MLPH: variants seen among roughly 807,000 people sequenced by gnomAD.
The protein encoded by MLPH is exophilin-3.
In MLPH, 51 loss-of-function variants were observed where a neutral mutation model predicts 72.1. The ratio of observed to expected loss-of-function variants is 0.71; its 90% CI spans 0.56 to 0.89. MLPH has a LOEUF of 0.89. Among genes scored for constraint, MLPH ranks in the 40% least tolerant of loss-of-function variants. MLPH has a pLI of 0.00. For synonymous variants in MLPH, 301 were observed against 310.1 expected (o/e 0.97, Z 0.31); for missense variants, 743 against 759.9 (o/e 0.98, Z 0.26).
rs372594908 is a variant in MLPH at position 237,511,027 on chromosome 2, A to G, written c.371A>G (p.His124Arg). ...KIGSLEWYYE[H>R]VKARFKRFGS... ...GGCTCACTGGAGTGGTACTATGAGC[A>G]TGTGAAAGCCCGCTTCAAGAGGTTC... The change falls in exon 4 of 16, where the codon CAT becomes CGT. Residue 124 changes from histidine (H) to arginine (R), a missense_variant. His to Arg is a conservative substitution (Grantham distance 29). Coordinates refer to ENST00000264605, the MANE Select transcript of MLPH (RefSeq NM_024101.7). 4 of 1,613,812 alleles carry G rather than the reference A, an allele frequency of 2.5e-6. No homozygotes were observed. The highest frequency in any genetic ancestry group is 2.7e-5 in the African/African-American group (2 of 74,876).
At position 237,549,825 on chromosome 2, in the gene MLPH, A is replaced by G. The variant is rs114543376; in HGVS notation, c.1675+547A>G. On this transcript the variant is annotated intron_variant, in intron 14 of 15. Transcript: ENST00000264605. ...GTCGAGCTGTTTCAGGCCCCCAGAC[A>G]TTGTTGGACTGATCTCCTGTTGTCC... Among the ~76,000 whole-genome samples, 725 of 152,108 alleles carry G rather than the reference A, an allele frequency of 4.8e-3. 7 individuals carry two copies. The highest frequency in any genetic ancestry group is 0.016 in the African/African-American group (654 of 41,494).
chr2:237,549,287 C>A lies in MLPH; in HGVS notation c.1675+9C>A. The A allele has an allele frequency of 6.2e-7, 1 of 1,613,246 alleles. No individual in the cohort carries two copies. Among genetic ancestry groups the A allele is most frequent in the African/African-American group, 1.3e-5 (1 of 75,028 alleles). The stretch of plus-strand genomic sequence containing the variant: ...TTCCCTGAAAAGTCAAGGTAAGAGC[C>A]CTCTGCTCCCCCACCCCCATGGGCC... On this transcript the variant is annotated intron_variant, in intron 14 of 15. Transcript: ENST00000264605.
At position 237,552,559 on chromosome 2, in the gene MLPH, G is replaced by A. The variant is rs1463872252; in HGVS notation, c.1776+122G>A. The A allele has an allele frequency of 1.1e-5, 9 of 809,254 alleles. No individual in the cohort carries two copies. The African/African-American group carries it at 1.2e-4, about 11-fold the overall frequency. The allele number at this position is 809,254 out of a possible 1,614,324, so 50.1% of individuals were successfully genotyped here. A position where few individuals can be genotyped will look rare whatever the true frequency, so the allele number is the denominator to read the frequency against. ...ATAAACAAAACAAAGATTCAGACCT[G>A]AGAATCAAAGCAAAAAGTAAAGTAA... On this transcript the variant is annotated intron_variant, in intron 15 of 15. Transcript: ENST00000264605.
Position 237,540,352 on chromosome 2 carries a change from T to C in MLPH, c.1109T>C (p.Leu370Pro). Residue 370 changes from leucine (L) to proline (P), a missense_variant, in exon 10 of 16, where the codon CTA (leucine) becomes CCA (proline). Coordinates refer to ENST00000264605, the MANE Select transcript of MLPH (RefSeq NM_024101.7). The part of the protein sequence containing the change: ...NTVVPPLAKG[L>P]GAGVRTEADV... ...TCCACTGGCCTGTTCTGTCAGGGTC[T>C]AGGTGCTGGAGTGCGCACGGAGGCC... 2 of 1,613,596 alleles carry C rather than the reference T, an allele frequency of 1.2e-6. No homozygotes were observed. The highest frequency in any genetic ancestry group is 1.7e-5 in the Admixed American group (1 of 60,012).
Position 237,541,358 on chromosome 2 carries a change from T to G in MLPH, c.1446+401T>G, listed in dbSNP as rs2080680896. Reference sequence around the variant, plus strand: ...CTGAGTTGTGGCTGCAGAGCTTGAATCTGGGTGAGGAACCCATCAATAGTG... The same window carrying G: ...CTGAGTTGTGGCTGCAGAGCTTGAAGCTGGGTGAGGAACCCATCAATAGTG... On this transcript the variant is annotated intron_variant, in intron 11 of 15. Coordinates refer to ENST00000264605, the MANE Select transcript of MLPH (RefSeq NM_024101.7). The surrounding 1 kb of genome is among the most constrained non-coding windows in gnomAD (Gnocchi z 5.1). 6.6e-6 allele frequency among the ~76,000 whole-genome samples: 1 copy of G among 152,236 alleles called. No individual in the cohort carries two copies. Among genetic ancestry groups the G allele is most frequent in the Non-Finnish European group, 1.5e-5 (1 of 68,038 alleles).
At position 237,493,548 on chromosome 2, in the gene MLPH, G is replaced by T; in HGVS notation, c.110+12G>T. ...GAGGAACGGCTAGAGTGAGTGTGCC[G>T]TGCTGAGCCCACGGAGCCCGGGGTC... On this transcript the variant is annotated intron_variant, in intron 2 of 15. Transcript: ENST00000264605. 1 of 1,605,894 alleles carries T rather than the reference G, an allele frequency of 6.2e-7. No individual in the cohort carries two copies. Among genetic ancestry groups the T allele is most frequent in the Non-Finnish European group, 8.5e-7 (1 of 1,172,846 alleles).
rs375888285 is a variant in MLPH at position 237,540,783 on chromosome 2, C to T, written c.1291-19C>T. ...ACTCCCTCCTGCTGCTGGTCAGCCT[C>T]CGTCCTTCTCTTTCCTAGGTGGGCA... is the stretch of plus-strand genomic sequence containing the variant. On this transcript the variant is annotated intron_variant, in intron 10 of 15. Transcript: ENST00000264605. The T allele has an allele frequency of 2.4e-4, 391 of 1,612,362 alleles. 2 individuals carry two copies. Among genetic ancestry groups the T allele is most frequent in the Middle Eastern group, 6.6e-4 (4 of 6,062 alleles).
chr2:237,548,826 CCGCGAT>C (rs1260366110), intron 13 of MLPH, among the ~76,000 whole-genome samples: 1 of 152,200 alleles, frequency 6.6e-6, no homozygotes, highest in Admixed American at 6.5e-5. Flanking sequence ...TTGCAGTGAG[CCGCGAT>C]CGCACCACTG....
chr2:237,552,310 C>G (rs756261266), intron 14 of MLPH, 27 bp from the exon 15 acceptor site: 1 of 1,599,024 alleles, frequency 6.3e-7, no homozygotes, highest in Non-Finnish European at 8.6e-7. Context: ...TGATAAAGCA[C>G]CATCCCTCTT....
chr2:237,540,863 C>T lies in MLPH; in HGVS notation c.1352C>T (p.Pro451Leu). ...QEKSPQDPGD[P>L]VQYNRTTDEE... ...AAAAGCCCCCAGGACCCTGGGGACCCCGTCCAGTACAACAGGACCACAGAT... is the reference window on the plus strand; with the variant it reads ...AAAAGCCCCCAGGACCCTGGGGACCTCGTCCAGTACAACAGGACCACAGAT... The change falls in exon 11 of 16, where the codon CCC becomes CTC. Residue 451 changes from proline to leucine, a missense_variant. Pro to Leu is a moderately conservative substitution (Grantham distance 98). Coordinates refer to ENST00000264605, the MANE Select transcript of MLPH (RefSeq NM_024101.7). The T allele has an allele frequency of 2.5e-6, 4 of 1,613,404 alleles. No individual in the cohort carries two copies. Among genetic ancestry groups the T allele is most frequent in the Non-Finnish European group, 3.4e-6 (4 of 1,179,962 alleles).
Position 237,552,397 on chromosome 2 carries a change from A to AC in MLPH, c.1740dup (p.Asn581GlnfsTer98). The AC allele has an allele frequency of 3.1e-6, 5 of 1,614,024 alleles. No homozygotes were observed. The highest frequency in any genetic ancestry group is 4.2e-6 in the Non-Finnish European group (5 of 1,180,008). On this transcript the variant is annotated frameshift_variant, in exon 15 of 16. Coordinates refer to ENST00000264605, the MANE Select transcript of MLPH (RefSeq NM_024101.7). LOFTEE classifies it high-confidence loss of function. ...TACCGAGGCTCGCTGACACAGAGAA[A>AC]CCCCAACGCGAGGAAAGGAATGGCC...
chr2:237,491,911 C>G (rs2079435693), intron 1 of MLPH, among the ~76,000 whole-genome samples: 1 of 152,194 alleles, frequency 6.6e-6, no homozygotes, highest in South Asian at 2.1e-4. Context: ...CCAAGGTCCT[C>G]TGTGACTCGC....
At chr2:237,488,428 C>T (rs935245876) in intron 1 of MLPH, among the ~76,000 whole-genome samples, 7 of 152,100 alleles carry the variant, frequency 4.6e-5, no homozygotes, top group African/African-American at 1.7e-4. Context: ...ATCCCTCCAG[C>T]TGGCCTGCAT....
rs550473852 is a variant in MLPH, at chr2:237,519,774, G to C, written c.556-136G>C. The C allele has an allele frequency of 5.3e-5, 66 of 1,250,470 alleles. 1 individual carries two copies. Among genetic ancestry groups the C allele is most frequent in the South Asian group, 4.5e-4 (37 of 83,132 alleles). The allele number at this position is 1,250,470 out of a possible 1,614,324, so 77.5% of individuals were successfully genotyped here. ...TTGGTCAGGTTTGTTCCTAGTGGAG[G>C]GGGTGGATGTGCTGGGAGAGGAGCC... On this transcript the variant is annotated intron_variant, in intron 5 of 15. Coordinates refer to ENST00000264605, the MANE Select transcript of MLPH (RefSeq NM_024101.7).
At chr2:237,489,971 G>T (rs1461882869) in intron 1 of MLPH, among the ~76,000 whole-genome samples, 1 of 152,132 alleles carries the variant, frequency 6.6e-6, no homozygotes, top group African/African-American at 2.4e-5. Flanking sequence ...GCCCCACTAT[G>T]GCTATTCAAC....
upstream of MLPH, among the ~76,000 whole-genome samples, chr2:237,486,974 G>A (rs1427326630): frequency 6.6e-6 from 1 of 152,140 alleles, no homozygotes; most frequent in Non-Finnish European, 1.5e-5. Context: ...GCAGGACCGC[G>A]GCGCGATGTC....
At chr2:237,552,308 C>T (rs750927571) in intron 14 of MLPH, 29 bp from the exon 15 acceptor site, 6 of 1,594,506 alleles carry the variant, frequency 3.8e-6, no homozygotes, top group Non-Finnish European at 5.2e-6. Flanking sequence ...ATTGATAAAG[C>T]ACCATCCCTC....
chr2:237,523,363 G>A (rs549166533), intron 6 of MLPH, among the ~76,000 whole-genome samples: 1 of 152,344 alleles, frequency 6.6e-6, no homozygotes, highest in East Asian at 1.9e-4. Flanking sequence ...TATAGCAGCG[G>A]AATAATTCAT....
At chr2:237,548,339 A>G (rs1043244244) in intron 13 of MLPH, among the ~76,000 whole-genome samples, 1 of 152,234 alleles carries the variant, frequency 6.6e-6, no homozygotes, top group Non-Finnish European at 1.5e-5. Flanking sequence ...AGAAATTTCC[A>G]GGGGAATTTG....
Sources: gnomAD v4.1 joint callset for allele counts (sites outside exome capture counted in the v4.1 genomes callset) on GRCh38, gnomAD v4.1.1 for gene constraint, Gnocchi (gnomAD v3.1) non-coding constraint, MANE v1.5 for transcripts, NCBI Gene and HGNC (gene_info 2026-07-23, HGNC 2026-07-21) for gene names.